Variants in PRKCB observed in about 807,000 individuals in gnomAD.
The protein encoded by PRKCB is protein kinase C beta type.
In PRKCB, 13 loss-of-function variants were observed where a neutral mutation model predicts 81.5. The observed-to-expected ratio is 0.16, with a 90% CI of 0.10 to 0.25. The LOEUF (loss-of-function observed/expected upper bound fraction) is 0.25, where lower values mean the gene tolerates loss of function less well. PRKCB is among the 10% of genes least tolerant of loss of function. The probability of loss-of-function intolerance (pLI) is 1.00; values close to 1 mark genes in which losing one functional copy is unlikely to be tolerated. For synonymous variants in PRKCB, 335 were observed against 321.4 expected (o/e 1.04, Z -0.45); for missense variants, 509 against 875.7 (o/e 0.58, Z 5.29).
chr16:24,018,620 T>C (rs1473751308), intron 3 of PRKCB, among the ~76,000 whole-genome samples: 1 of 152,222 alleles, frequency 6.6e-6, no homozygotes, highest in African/African-American at 2.4e-5. Context: ...AATGGTATTT[T>C]AAATTCTGCC....
chr16:23,947,885 CTTT>C (rs3073131), intron 2 of PRKCB, among the ~76,000 whole-genome samples: 8 of 124,412 alleles, frequency 6.4e-5, no homozygotes, highest in Admixed American at 1.6e-4. Context: ...TCTGGAGCCG[CTTT>C]TTTTTTTTTT....
rs1236778733 is a variant in PRKCB at position 24,086,335 on chromosome 16, G to T, written c.530-6456G>T. The stretch of plus-strand genomic sequence containing the variant: ...CAGCCACCAACAGATAACTGAAACA[G>T]GAGAGGGGCAGGGCAGGACAGTGAA... On this transcript the variant is annotated intron_variant, in intron 5 of 16. Coordinates refer to ENST00000643927, the MANE Select transcript of PRKCB (RefSeq NM_002738.7). Among the ~76,000 whole-genome samples the T allele has an allele frequency of 2.0e-5, 3 of 152,132 alleles. No homozygotes were observed. The East Asian group carries it at 5.8e-4, about 29-fold the overall frequency.
At chr16:23,967,778 G>A (rs753896010) in intron 2 of PRKCB, among the ~76,000 whole-genome samples, 2 of 152,034 alleles carry the variant, frequency 1.3e-5, no homozygotes, top group Non-Finnish European at 2.9e-5. Context: ...TCAGCCTCCC[G>A]AGTAGCTGGG....
intron 2 of PRKCB, among the ~76,000 whole-genome samples, chr16:23,946,262 A>G (rs1242493450): frequency 6.6e-6 from 1 of 152,180 alleles, no homozygotes; most frequent in Non-Finnish European, 1.5e-5. Context: ...TTCTGCCTGG[A>G]TAGTATTGAA....
At position 23,886,127 on chromosome 16, in the gene PRKCB, T is replaced by A. The variant is rs80270952; in HGVS notation, c.205+48721T>A. On this transcript the variant is annotated intron_variant, in intron 2 of 16. Coordinates refer to ENST00000643927, the MANE Select transcript of PRKCB (RefSeq NM_002738.7). ...GTAGATTTGCTGAAGGTCACAGAGC[T>A]GAGATCCAAATCTAAGCATCACAGC... 6.8e-4 allele frequency among the ~76,000 whole-genome samples: 104 copies of A among 152,344 alleles called. 2 individuals are homozygous for A. The East Asian group carries it at 0.019, about 29-fold the overall frequency.
intron 16 of PRKCB, among the ~76,000 whole-genome samples, chr16:24,211,543 A>T (rs2141993631): frequency 6.7e-6 from 1 of 150,134 alleles, no homozygotes; most frequent in East Asian, 1.9e-4. Context: ...GTTTGAATTC[A>T]GTCTACAGAC....
chr16:24,104,745 C>G (rs899755888), intron 7 of PRKCB, among the ~76,000 whole-genome samples: 6 of 152,002 alleles, frequency 3.9e-5, no homozygotes, highest in Non-Finnish European at 2.9e-5. Flanking sequence ...AGGAGTGCAC[C>G]CGGCAAGTTG....
chr16:24,072,870 C>T lies in PRKCB; in HGVS notation c.530-19921C>T, dbSNP rs139070330. Among the ~76,000 whole-genome samples the T allele has an allele frequency of 6.5e-3, 993 of 152,250 alleles. 36 individuals carry two copies. Among genetic ancestry groups the T allele is most frequent in the Admixed American group, 0.06 (918 of 15,302 alleles). On this transcript the variant is annotated intron_variant, in intron 5 of 16. Transcript: ENST00000643927. ...GCACTGGGATTACATGTGTGCGCCA[C>T]GCACCTGGCCTAACTCTCTCTCTCT...
At chr16:24,081,230 A>C (rs747775031) in intron 5 of PRKCB, among the ~76,000 whole-genome samples, 11 of 152,104 alleles carry the variant, frequency 7.2e-5, no homozygotes, top group Non-Finnish European at 1.3e-4. Flanking sequence ...CGTCCAAATG[A>C]GTTTTATCCT....
intron 4 of PRKCB, among the ~76,000 whole-genome samples, chr16:24,032,833 G>A (rs1347596915): frequency 1.3e-5 from 2 of 152,206 alleles, no homozygotes; most frequent in South Asian, 4.1e-4. Context: ...TGTGGGAAGG[G>A]GCAGTCCATG....
Position 24,217,960 on chromosome 16 carries a change from A to G in PRKCB, c.*3144A>G, listed in dbSNP as rs910825846. The G allele has an allele frequency of 1.0e-6, 1 of 985,418 alleles. No individual in the cohort carries two copies. 61.0% of individuals were successfully genotyped at this position (985,418 alleles called of 1,614,324 possible). The stretch of plus-strand genomic sequence containing the variant: ...CAATTCCATTGTTTTGCCTCAGAGT[A>G]AAGTTTCTGGCTCGGGGACAATTAT... On this transcript the variant is annotated 3_prime_UTR_variant, in exon 17 of 17. Transcript: ENST00000643927.
intron 2 of PRKCB, among the ~76,000 whole-genome samples, chr16:23,946,594 ATAATAGATC>A (rs542389871): frequency 0.018 from 2,674 of 152,352 alleles, 81 homozygotes; most frequent in African/African-American, 0.059. Flanking sequence ...TGTCAGACAC[ATAATAGATC>A]CAGAGAAATG....
rs1967787208 is a variant in PRKCB at position 24,191,172 on chromosome 16, A to G, written c.1805A>G (p.Tyr602Cys). 1 of 1,613,972 alleles carries G rather than the reference A, an allele frequency of 6.2e-7. No individual in the cohort carries two copies. ...ATCAAAGAGCATGCATTTTTCCGGT[A>G]TATTGATTGGGAGAAACTTGAACGC... ...RDIKEHAFFR[Y>C]IDWEKLERKE... is the part of the protein sequence containing the mutation. The change falls in exon 16 of 17, where the codon TAT becomes TGT. Residue 602 changes from tyrosine to cysteine, a missense_variant. Physicochemically the swap from Tyr to Cys is radical, Grantham distance 194 (BLOSUM62 -2). Coordinates refer to ENST00000643927, the MANE Select transcript of PRKCB (RefSeq NM_002738.7).
chr16:24,069,802 A>G (rs1279414973), intron 5 of PRKCB, among the ~76,000 whole-genome samples: 1 of 152,202 alleles, frequency 6.6e-6, no homozygotes, highest in Admixed American at 6.5e-5. Context: ...AAAAGTTGTC[A>G]TTGTTATTGT....
At chr16:24,202,090 G>T (rs138435636) in intron 16 of PRKCB, among the ~76,000 whole-genome samples, 1,771 of 151,348 alleles carry the variant, frequency 0.012, 2 homozygotes, top group African/African-American at 0.04. Flanking sequence ...TAGAAGAAAA[G>T]ACAATGCCTG....
At chr16:24,145,141 A>G (rs977296694) in intron 9 of PRKCB, among the ~76,000 whole-genome samples, 1 of 152,158 alleles carries the variant, frequency 6.6e-6, no homozygotes, top group Non-Finnish European at 1.5e-5. Flanking sequence ...CTAGGGGAAG[A>G]GTCATGCAGG....
intron 3 of PRKCB, among the ~76,000 whole-genome samples, chr16:24,011,255 T>C (rs912336459): frequency 6.6e-6 from 1 of 152,180 alleles, no homozygotes; most frequent in African/African-American, 2.4e-5. Context: ...ACTGTTTCTA[T>C]CTATTGAAAA....
At chr16:23,980,588 G>A (rs1416835367) in intron 2 of PRKCB, among the ~76,000 whole-genome samples, 6 of 152,138 alleles carry the variant, frequency 3.9e-5, no homozygotes, top group African/African-American at 1.4e-4. Context: ...TCAAACGAAG[G>A]TCCTCCTGCT....
chr16:23,858,126 A>G (rs1962602992), intron 2 of PRKCB, among the ~76,000 whole-genome samples: 1 of 152,184 alleles, frequency 6.6e-6, no homozygotes, highest in Admixed American at 6.5e-5. Context: ...AAGGCAGCTA[A>G]TATTTCAGTG....
Sources: allele counts gnomAD v4.1 joint callset (sites outside exome capture counted in the v4.1 genomes callset), GRCh38; gene constraint gnomAD v4.1.1; transcripts MANE v1.5; gene names NCBI Gene and HGNC (gene_info 2026-07-23, HGNC 2026-07-21).